The following CPNE8 variants were observed in gnomAD, a reference collection of about 807,000 sequenced individuals.
CPNE8 encodes copine 8, also known as copine-8.
A neutral mutation model predicts 81.5 loss-of-function variants in CPNE8; 45 were observed. The ratio of observed to expected loss-of-function variants is 0.55; its 90% CI spans 0.44 to 0.71. The LOEUF is 0.71. CPNE8 is among the 30% of genes least tolerant of loss of function. The pLI is 0.00. For missense variants in CPNE8, 594 were observed against 672.1 expected, an observed-to-expected ratio of 0.88 and a Z score of 1.28; for synonymous variants, 252 against 226.3, an observed-to-expected ratio of 1.11 and a Z score of -1.02.
chr12:38,867,106 A>G (rs565947768), intron 3 of CPNE8, among the ~76,000 whole-genome samples: 1 of 152,022 alleles, frequency 6.6e-6, no homozygotes, highest in Non-Finnish European at 1.5e-5. Context: ...TGACCTGCCC[A>G]CCTCACCCTC....
intron 6 of CPNE8, among the ~76,000 whole-genome samples, chr12:38,826,749 T>C (rs542275014): frequency 4.5e-4 from 69 of 152,218 alleles, no homozygotes; most frequent in African/African-American, 1.2e-3. Context: ...TTAATATAAA[T>C]ATGATTTTCC....
chr12:38,798,923 A>G (rs1480599749), intron 6 of CPNE8, among the ~76,000 whole-genome samples: 1 of 152,214 alleles, frequency 6.6e-6, no homozygotes, highest in African/African-American at 2.4e-5. Context: ...AACAGACTTT[A>G]AACCAACAAA....
At chr12:38,851,612 C>T (rs1689628794) in intron 3 of CPNE8, among the ~76,000 whole-genome samples, 1 of 152,198 alleles carries the variant, frequency 6.6e-6, no homozygotes. Flanking sequence ...TTTCTTCCCT[C>T]TTATGGTCTA....
chr12:38,767,084 A>T (rs1941705963), intron 8 of CPNE8, among the ~76,000 whole-genome samples: 2 of 152,142 alleles, frequency 1.3e-5, no homozygotes, highest in Non-Finnish European at 2.9e-5. Context: ...GAATCACAAA[A>T]AACAAGTCAG....
chr12:38,871,861 C>A (rs1378262367), intron 3 of CPNE8, among the ~76,000 whole-genome samples: 1 of 152,040 alleles, frequency 6.6e-6, no homozygotes, highest in Non-Finnish European at 1.5e-5. Context: ...ATGAGCTGGG[C>A]GTGGTGGCTC....
intron 18 of CPNE8, among the ~76,000 whole-genome samples, chr12:38,673,286 C>T (rs1208487932): frequency 6.6e-6 from 1 of 152,016 alleles, no homozygotes; most frequent in Non-Finnish European, 1.5e-5. Context: ...TATAAATTAC[C>T]CAGTCTCATT....
At position 38,670,996 on chromosome 12, in the gene CPNE8, G is replaced by T. The variant is rs1303020366; in HGVS notation, c.1433-194C>A. 14 of 500,954 alleles carry T rather than the reference G, an allele frequency of 2.8e-5. No homozygotes were observed. The Admixed American group carries it at 5.5e-4, about 20-fold the overall frequency. 31.0% of individuals were successfully genotyped at this position (500,954 alleles called of 1,614,324 possible). A position where few individuals can be genotyped will look rare whatever the true frequency, so the allele number is the denominator to read the frequency against. The stretch of plus-strand genomic sequence containing the variant: ...AGTGTGCATTTTACAGACAAAGAAA[G>T]TGAACCAAGATCTTTTGTGACTCTT... On this transcript the variant is annotated intron_variant, in intron 18 of 19. Coordinates refer to ENST00000331366, the MANE Select transcript of CPNE8 (RefSeq NM_153634.3).
chr12:38,822,090 A>G (rs1943118182), intron 6 of CPNE8, among the ~76,000 whole-genome samples: 1 of 152,194 alleles, frequency 6.6e-6, no homozygotes, highest in African/African-American at 2.4e-5. Flanking sequence ...GTGTTGAGTC[A>G]TGTGAAGATT....
rs1944017293 is a variant in CPNE8, at chr12:38,873,172, C to T, written c.140-122G>A. On this transcript the variant is annotated intron_variant, in intron 2 of 19. Coordinates refer to ENST00000331366, the MANE Select transcript of CPNE8 (RefSeq NM_153634.3). The stretch of plus-strand genomic sequence containing the variant: ...CAAAATTAAATGCCTAATTCCTAGA[C>T]TTACCCTTGCAAAAAAAAAAGGCTA... The T allele has an allele frequency of 6.8e-6, 4 of 590,004 alleles. No homozygotes were observed. In the South Asian group the frequency reaches 9.0e-5, roughly 13 times the overall value. 36.5% of individuals were successfully genotyped at this position (590,004 alleles called of 1,614,324 possible).
At chr12:38,904,476 T>TG (rs1381426736) in intron 1 of CPNE8, among the ~76,000 whole-genome samples, 38 of 150,776 alleles carry the variant, frequency 2.5e-4, no homozygotes, top group African/African-American at 8.3e-4. Context: ...TTTTGTTTTT[T>TG]TTTTTTTTTT....
At chr12:38,749,195 C>T (rs1277309139) in intron 10 of CPNE8, among the ~76,000 whole-genome samples, 1 of 152,156 alleles carries the variant, frequency 6.6e-6, no homozygotes, top group Non-Finnish European at 1.5e-5. Flanking sequence ...GCACAAGTTA[C>T]CTCTTTGCCT....
chr12:38,822,359 A>G (rs77711298), intron 6 of CPNE8, among the ~76,000 whole-genome samples: 1,926 of 152,278 alleles, frequency 0.013, 47 homozygotes, highest in African/African-American at 0.043. Context: ...ACCACTTTAC[A>G]TAAGTGTAAT....
At chr12:38,849,228 ACTT>A (rs1457598094) in intron 3 of CPNE8, among the ~76,000 whole-genome samples, 1 of 152,152 alleles carries the variant, frequency 6.6e-6, no homozygotes, top group Non-Finnish European at 1.5e-5. Context: ...TGGGACCTAT[ACTT>A]CTTGCATCTT....
chr12:38,848,431 G>C (rs1054900648), intron 4 of CPNE8, 128 bp downstream of exon 4: 2 of 1,377,578 alleles, frequency 1.5e-6, no homozygotes, highest in Non-Finnish European at 1.9e-6. Context: ...GCCACACTCT[G>C]AACAGAATTA....
intron 15 of CPNE8, among the ~76,000 whole-genome samples, chr12:38,689,203 T>C (rs1049797103): frequency 2.0e-5 from 3 of 152,164 alleles, no homozygotes; most frequent in Non-Finnish European, 2.9e-5. Flanking sequence ...AAATAACACA[T>C]GTTAACTTGT....
intron 6 of CPNE8, among the ~76,000 whole-genome samples, chr12:38,795,919 T>C (rs1167495250): frequency 1.1e-5 from 1 of 93,576 alleles, no homozygotes; most frequent in Non-Finnish European, 2.4e-5. Flanking sequence ...TAATACAACA[T>C]GACCAGTTGA....
intron 6 of CPNE8, among the ~76,000 whole-genome samples, chr12:38,803,734 C>A (rs879370836): frequency 6.8e-6 from 1 of 148,108 alleles, no homozygotes; most frequent in Non-Finnish European, 1.5e-5. Flanking sequence ...TGTTTGCAGA[C>A]GACATGATTG....
intron 11 of CPNE8, among the ~76,000 whole-genome samples, chr12:38,725,255 A>T (rs548262504): frequency 6.6e-6 from 1 of 152,342 alleles, no homozygotes; most frequent in Admixed American, 6.5e-5. Flanking sequence ...AAGTGACATA[A>T]CTTTAAAAAT....
chr12:38,754,441 A>T (rs1941417752), intron 10 of CPNE8, among the ~76,000 whole-genome samples: 1 of 152,120 alleles, frequency 6.6e-6, no homozygotes. Flanking sequence ...AAAACACATT[A>T]AATAAAATTA....
Sources: allele counts gnomAD v4.1 joint callset (sites outside exome capture counted in the v4.1 genomes callset), GRCh38; gene constraint gnomAD v4.1.1; transcripts MANE v1.5; gene names NCBI Gene and HGNC (gene_info 2026-07-23, HGNC 2026-07-21).